The following ADNP variants were observed in gnomAD, a reference collection of about 807,000 sequenced individuals.
The protein encoded by ADNP is activity dependent neuroprotector homeobox, also known as activity-dependent neuroprotector homeobox protein.
ADNP carries 4 observed loss-of-function variants against 84.9 expected under a neutral mutation model. The observed-to-expected ratio is 0.05, with a 90% CI of 0.02 to 0.11. The LOEUF is 0.11. Ranked by LOEUF, ADNP falls within the 10% of genes least tolerant of loss-of-function variation. The pLI is 1.00. For synonymous variants in ADNP, 554 were observed against 468.1 expected, an observed-to-expected ratio of 1.18 and a Z score of -2.37; for missense variants, 1,132 against 1,326.0, an observed-to-expected ratio of 0.85 and a Z score of 2.27.
chr20:50,894,456 G>A lies in ADNP; in HGVS notation c.258C>T (p.Phe86=). 6.2e-7 allele frequency: 1 copy of A among 1,608,104 alleles called. No individual in the cohort carries two copies. The highest frequency in any genetic ancestry group is 8.5e-7 in the Non-Finnish European group (1 of 1,178,568). ...TGCGGAAATGACTTTTGTAGGCAGA[G>A]AAGAATTTTGAGGAAAATGGACAAG... ...CSACPFSSKF[F]SAYKSHFRNV... is the part of the protein sequence containing the mutation. Residue 86 remains phenylalanine, a synonymous_variant, in exon 6 of 6, where the codon TTC becomes TTT. Transcript: ENST00000621696.
chr20:50,921,527 A>C (rs1350390445), intron 2 of ADNP, among the ~76,000 whole-genome samples: 1 of 152,214 alleles, frequency 6.6e-6, no homozygotes, highest in Non-Finnish European at 1.5e-5. Flanking sequence ...AGATTTTCAG[A>C]CTACAAGACT....
intron 5 of ADNP, among the ~76,000 whole-genome samples, chr20:50,897,460 T>C (rs974218627): frequency 2.0e-5 from 3 of 152,184 alleles, no homozygotes; most frequent in Non-Finnish European, 2.9e-5. Context: ...CCGGTTAAAG[T>C]TGTTTGCCAT....
At chr20:50,921,829 G>T (rs62205205) in intron 2 of ADNP, among the ~76,000 whole-genome samples, 1 of 152,148 alleles carries the variant, frequency 6.6e-6, no homozygotes, top group African/African-American at 2.4e-5. Flanking sequence ...AAGATGCCTC[G>T]GTACTTAAAC....
chr20:50,891,749 A>T lies in ADNP; in HGVS notation c.2965T>A (p.Cys989Ser). The change falls in exon 6 of 6, where the codon TGC becomes AGC. Residue 989 changes from cysteine to serine, a missense_variant. Coordinates refer to ENST00000621696, the MANE Select transcript of ADNP (RefSeq NM_001282531.3). ...GACCAGGTTCCTGGTTTCATTTCGC[A>T]GGTATTGTCCTCAAAGTCTGACACT... is the stretch of plus-strand genomic sequence containing the variant. ...QQVSDFEDNT[C>S]EMKPGTWSDE... 1 of 1,614,090 alleles carries T rather than the reference A, an allele frequency of 6.2e-7. No homozygotes were observed. The highest frequency in any genetic ancestry group is 8.5e-7 in the Non-Finnish European group (1 of 1,180,024).
At position 50,893,625 on chromosome 20, in the gene ADNP, A is replaced by G. The variant is rs747522297; in HGVS notation, c.1089T>C (p.Ser363=). The G allele has an allele frequency of 5.6e-6, 9 of 1,613,998 alleles. No homozygotes were observed. Among genetic ancestry groups the G allele is most frequent in the Middle Eastern group, 1.6e-4 (1 of 6,084 alleles). The part of the protein sequence containing the change: ...GNAPVSIPQQ[S]QSVKQLLPSG... ...TTGGAAGTAACTGCTTTACAGACTG[A>G]GATTGTTGAGGAATGGAAACTGGTG... Residue 363 remains serine (S), a synonymous_variant, in exon 6 of 6, where the codon TCT becomes TCC. Transcript: ENST00000621696. The surrounding 1 kb of genome is among the most constrained non-coding windows in gnomAD (Gnocchi z 4.4).
intron 2 of ADNP, among the ~76,000 whole-genome samples, chr20:50,919,686 T>C (rs1281086951): frequency 6.6e-6 from 1 of 152,320 alleles, no homozygotes; most frequent in East Asian, 1.9e-4. Flanking sequence ...CAACAGCTGC[T>C]GAGTTGGGGC....
intron 2 of ADNP, chr20:50,909,363 CAAAAAAAAAAAAAAAAAAAAA>C (rs3069819): frequency 4.5e-5 from 2 of 44,352 alleles, no homozygotes; most frequent in African/African-American, 1.6e-4. Flanking sequence ...AAAACTGTCT[CAAAAAAAAAAAAAAAAAAAAA>C]AAAAAAAAAG....
chr20:50,911,282 C>T (rs948806383), intron 2 of ADNP, among the ~76,000 whole-genome samples: 2 of 152,132 alleles, frequency 1.3e-5, no homozygotes, highest in Admixed American at 1.3e-4. Flanking sequence ...GAATTCTTTG[C>T]CTAGACCAAT....
Position 50,894,312 on chromosome 20 carries a change from G to A in ADNP, c.402C>T (p.Ser134=), listed in dbSNP as rs778855131. The A allele has an allele frequency of 1.1e-5, 17 of 1,613,592 alleles. No homozygotes were observed. Among genetic ancestry groups the A allele is most frequent in the Admixed American group, 1.0e-4 (6 of 59,900 alleles). The change falls in exon 6 of 6, where the codon AGC becomes AGT. Residue 134 remains serine (S), a synonymous_variant. Coordinates refer to ENST00000621696, the MANE Select transcript of ADNP (RefSeq NM_001282531.3). The part of the protein sequence containing the change: ...HIKIFHAPNA[S]APSSSLSTFK... ...AAGTGCTGAGGCTGCTACTTGGTGC[G>A]CTGGCGTTCGGAGCATGAAATATTT...
intron 2 of ADNP, among the ~76,000 whole-genome samples, chr20:50,917,169 AAAAC>A (rs1983572387): frequency 6.6e-6 from 1 of 152,228 alleles, no homozygotes; most frequent in African/African-American, 2.4e-5. Context: ...GCATTCACTA[AAAAC>A]AAACAGCAGC....
chr20:50,889,546 G>T lies in ADNP; in HGVS notation c.*1859C>A. 1 of 236,364 alleles carries T rather than the reference G, an allele frequency of 4.2e-6. No individual in the cohort carries two copies. Among genetic ancestry groups the T allele is most frequent in the Non-Finnish European group, 8.1e-6 (1 of 123,430 alleles). The allele number at this position is 236,364 out of a possible 1,614,324, so 14.6% of individuals were successfully genotyped here. ...CTGTTGTTGAGAAGCTTACATTTTA[G>T]GGAGAGGCTGGTCAAATCTCTACTC... On this transcript the variant is annotated 3_prime_UTR_variant, in exon 6 of 6. Transcript: ENST00000621696.
At chr20:50,896,828 G>A (rs533077948) in intron 5 of ADNP, among the ~76,000 whole-genome samples, 4 of 152,242 alleles carry the variant, frequency 2.6e-5, no homozygotes, top group East Asian at 1.9e-4. Flanking sequence ...ATAAGCCCAC[G>A]GTGCTTTGTT....
chr20:50,902,221 C>T (rs759947912), intron 4 of ADNP, 112 bp from the exon 5 acceptor site: 7 of 730,668 alleles, frequency 9.6e-6, no homozygotes, highest in Admixed American at 2.6e-5. Flanking sequence ...GGAAAACCAA[C>T]GTCAACAAGG....
At chr20:50,921,454 T>C (rs11905010) in intron 2 of ADNP, among the ~76,000 whole-genome samples, 3,765 of 152,326 alleles carry the variant, frequency 0.025, 63 homozygotes, top group Non-Finnish European at 0.039. Context: ...AACATAAAGG[T>C]GTCATCTAGA....
Position 50,891,107 on chromosome 20 carries a change from G to T in ADNP, c.*298C>A. 8.5e-7 allele frequency: 1 copy of T among 1,170,924 alleles called. No individual in the cohort carries two copies. The highest frequency in any genetic ancestry group is 1.1e-6 in the Non-Finnish European group (1 of 948,656). The allele number at this position is 1,170,924 out of a possible 1,614,324, so 72.5% of individuals were successfully genotyped here. A position where few individuals can be genotyped will look rare whatever the true frequency, so the allele number is the denominator to read the frequency against. On this transcript the variant is annotated 3_prime_UTR_variant, in exon 6 of 6. Transcript: ENST00000621696. ...CATCTGACCAATCATTTCACAGAGG[G>T]AAAGAAATGTTGAAAAGGCAGATAA...
intron 2 of ADNP, among the ~76,000 whole-genome samples, chr20:50,912,080 C>T (rs771294204): frequency 6.6e-6 from 1 of 152,216 alleles, no homozygotes; most frequent in Non-Finnish European, 1.5e-5. Flanking sequence ...TAATATTGCA[C>T]TGAGAGCTAC....
intron 2 of ADNP, among the ~76,000 whole-genome samples, chr20:50,912,035 T>C (rs892969822): frequency 1.3e-5 from 2 of 152,192 alleles, no homozygotes; most frequent in Non-Finnish European, 2.9e-5. Context: ...CACTAGTGAA[T>C]GCAAAACTTT....
chr20:50,897,451 C>G (rs1181502971), intron 5 of ADNP, among the ~76,000 whole-genome samples: 2 of 152,172 alleles, frequency 1.3e-5, no homozygotes, highest in Non-Finnish European at 2.9e-5. Context: ...ATCCACACCC[C>G]GGTTAAAGTT....
At chr20:50,919,246 G>A (rs1454334142) in intron 2 of ADNP, among the ~76,000 whole-genome samples, 2 of 149,008 alleles carry the variant, frequency 1.3e-5, no homozygotes, top group African/African-American at 5.0e-5. Flanking sequence ...GATTGCTTGA[G>A]CCCAAGAGTT....
Sources: gnomAD v4.1 joint callset for allele counts (sites outside exome capture counted in the v4.1 genomes callset) on GRCh38, gnomAD v4.1.1 for gene constraint, Gnocchi (gnomAD v3.1) non-coding constraint, MANE v1.5 for transcripts, NCBI Gene and HGNC (gene_info 2026-07-23, HGNC 2026-07-21) for gene names.